Variants in SNX29 observed in about 807,000 individuals in gnomAD.
SNX29 encodes the protein sorting nexin 29.
In SNX29, 78 loss-of-function variants were observed where a neutral mutation model predicts 102.1. The ratio of observed to expected loss-of-function variants is 0.76; its 90% CI spans 0.64 to 0.92. The LOEUF is 0.92. SNX29 is among the 40% of genes least tolerant of loss of function. The pLI is 0.00. For synonymous variants in SNX29, 580 were observed against 414.5 expected, an observed-to-expected ratio of 1.40 and a Z score of -4.85; for missense variants, 1,280 against 1,061.7, an observed-to-expected ratio of 1.21 and a Z score of -2.86.
At chr16:12,560,503 C>G (rs917748526) in intron 20 of SNX29, among the ~76,000 whole-genome samples, 1 of 152,142 alleles carries the variant, frequency 6.6e-6, no homozygotes, top group African/African-American at 2.4e-5. Flanking sequence ...CTGGGCACGC[C>G]TGTCCTGCCC....
chr16:12,116,138 C>T (rs1040091441), intron 11 of SNX29, among the ~76,000 whole-genome samples: 1 of 152,180 alleles, frequency 6.6e-6, no homozygotes, highest in African/African-American at 2.4e-5. Flanking sequence ...TTGTGGGAAA[C>T]AGTTTGGTGG....
At chr16:12,090,409 G>A (rs2052464414) in intron 11 of SNX29, 1 of 152,282 alleles carries the variant, frequency 6.6e-6, no homozygotes, top group East Asian at 1.9e-4. Flanking sequence ...GGGGGTAAAT[G>A]TTCCGTGCCG....
intron 18 of SNX29, among the ~76,000 whole-genome samples, chr16:12,412,312 A>C (rs2084432666): frequency 6.6e-6 from 1 of 152,210 alleles, no homozygotes; most frequent in Non-Finnish European, 1.5e-5. Context: ...GATCTGCCTC[A>C]TGCCTCTGTC....
chr16:12,562,916 C>T (rs796668751), intron 20 of SNX29, among the ~76,000 whole-genome samples: 1 of 152,120 alleles, frequency 6.6e-6, no homozygotes, highest in Admixed American at 6.5e-5. Context: ...TGAGATTCGT[C>T]CATGTTGCCA....
intron 13 of SNX29, among the ~76,000 whole-genome samples, chr16:12,148,769 C>G (rs1230546140): frequency 6.6e-6 from 1 of 152,130 alleles, no homozygotes; most frequent in Non-Finnish European, 1.5e-5. Context: ...ACGATCTTGG[C>G]TCACCGCAAC....
chr16:12,280,645 T>G (rs1039843556), intron 15 of SNX29, among the ~76,000 whole-genome samples: 9 of 152,224 alleles, frequency 5.9e-5, no homozygotes, highest in African/African-American at 2.2e-4. Context: ...GATTGATTTT[T>G]CCTTCTTTTT....
In SNX29 at chr16:12,569,958, G is replaced by A. The variant is rs555400121; in HGVS notation, c.*1329G>A. On this transcript the variant is annotated 3_prime_UTR_variant, in exon 21 of 21. Transcript: ENST00000566228. ...AGCAGGTGGAAGGTGACGGTTAGAT[G>A]GTAAGCCATGGGCTTGTCCTGGAAC... is the stretch of plus-strand genomic sequence containing the variant. The A allele has an allele frequency of 1.0e-4, 24 of 235,680 alleles. No individual in the cohort carries two copies. The highest frequency in any genetic ancestry group is 1.8e-4 in the Non-Finnish European group (22 of 120,502). 14.6% of individuals were successfully genotyped at this position (235,680 alleles called of 1,614,324 possible). A position where few individuals can be genotyped will look rare whatever the true frequency, so the allele number is the denominator to read the frequency against.
chr16:12,413,642 G>C (rs1464294901), intron 18 of SNX29, among the ~76,000 whole-genome samples: 4 of 152,172 alleles, frequency 2.6e-5, no homozygotes, highest in African/African-American at 4.8e-5. Flanking sequence ...GTACGCTGCT[G>C]TGCAGGGGAG....
At chr16:12,485,212 G>C (rs368247776) in intron 19 of SNX29, among the ~76,000 whole-genome samples, 1 of 152,212 alleles carries the variant, frequency 6.6e-6, no homozygotes, top group African/African-American at 2.4e-5. Context: ...GACCGGAAAG[G>C]TGGCTTTCTA....
chr16:12,355,214 G>A (rs1430650737), intron 15 of SNX29, among the ~76,000 whole-genome samples: 1 of 152,162 alleles, frequency 6.6e-6, no homozygotes, highest in Non-Finnish European at 1.5e-5. Context: ...TCTTCTGTGA[G>A]TTACCCTTCA....
At position 12,113,849 on chromosome 16, in the gene SNX29, C is replaced by T. The variant is rs187230710; in HGVS notation, c.1403-12784C>T. ...ACAGCTAATGTGCCACATTCACTTG[C>T]AGGAGCCAGAAACTGGTAGGGCTCA... On this transcript the variant is annotated intron_variant, in intron 11 of 20. Transcript: ENST00000566228. 3.9e-5 allele frequency among the ~76,000 whole-genome samples: 6 copies of T among 152,326 alleles called. No individual in the cohort carries two copies. The South Asian group carries it at 6.2e-4, about 16-fold the overall frequency.
At chr16:12,188,445 G>T (rs957425542) in intron 13 of SNX29, among the ~76,000 whole-genome samples, 1 of 152,214 alleles carries the variant, frequency 6.6e-6, no homozygotes, top group Non-Finnish European at 1.5e-5. Flanking sequence ...TGCCAGAGGA[G>T]TAGCTTATGT....
In SNX29 at chr16:12,421,978, C is replaced by G. The variant is rs1016323729; in HGVS notation, c.2037+18449C>G. Among the ~76,000 whole-genome samples, 36 of 152,088 alleles carry G rather than the reference C, an allele frequency of 2.4e-4. 1 individual carries two copies. Among genetic ancestry groups the G allele is most frequent in the Admixed American group, 5.9e-4 (9 of 15,272 alleles). ...ATCAACCACCCATCACAGGCATCAT[C>G]TATCCATCACCATCATCAGCCATCC... On this transcript the variant is annotated intron_variant, in intron 18 of 20. Coordinates refer to ENST00000566228, the MANE Select transcript of SNX29 (RefSeq NM_032167.5).
At chr16:12,044,219 G>A (rs2049999297) in intron 5 of SNX29, among the ~76,000 whole-genome samples, 1 of 152,206 alleles carries the variant, frequency 6.6e-6, no homozygotes, top group Admixed American at 6.5e-5. Flanking sequence ...CCGTAAGTGG[G>A]CAGTTTGTGA....
chr16:12,238,659 C>T (rs922211951), intron 14 of SNX29, among the ~76,000 whole-genome samples: 4 of 152,280 alleles, frequency 2.6e-5, no homozygotes, highest in Middle Eastern at 3.4e-3. Flanking sequence ...CAGTGGGGAC[C>T]GCAAACCGCT....
chr16:12,060,806 G>C (rs188391504), intron 8 of SNX29: 23 of 456,168 alleles, frequency 5.0e-5, no homozygotes, highest in Non-Finnish European at 8.8e-6. Context: ...CTGGCGTTTC[G>C]AAGATGGCAC....
intron 15 of SNX29, among the ~76,000 whole-genome samples, chr16:12,341,174 A>C (rs984509933): frequency 2.6e-4 from 40 of 152,360 alleles, no homozygotes; most frequent in Admixed American, 2.5e-3. Flanking sequence ...AGACAAACTC[A>C]TTAGAAAGTA....
At position 12,040,546 on chromosome 16, in the gene SNX29, CTGAG is replaced by C. The variant is rs373985611; in HGVS notation, c.248-2349_248-2346del. 5.2e-3 allele frequency among the ~76,000 whole-genome samples: 787 copies of C among 152,286 alleles called. 13 individuals are homozygous for C. The highest frequency in any genetic ancestry group is 0.017 in the African/African-American group (726 of 41,552). On this transcript the variant is annotated intron_variant, in intron 4 of 20. Coordinates refer to ENST00000566228, the MANE Select transcript of SNX29 (RefSeq NM_032167.5). Reference sequence around the variant, plus strand: ...CCTTAAATCTGTTCCTATCCTCAGACTGAGTAATTCGACATGTGGAAATCTTTCG... The same window carrying C: ...CCTTAAATCTGTTCCTATCCTCAGACTAATTCGACATGTGGAAATCTTTCG...
intron 13 of SNX29, among the ~76,000 whole-genome samples, chr16:12,194,344 A>C (rs2076717669): frequency 6.6e-6 from 1 of 152,142 alleles, no homozygotes; most frequent in South Asian, 2.1e-4. Flanking sequence ...GTGTTCTGTG[A>C]CCTTGAAAAA....
Sources: allele counts gnomAD v4.1 joint callset (sites outside exome capture counted in the v4.1 genomes callset), GRCh38; gene constraint gnomAD v4.1.1; transcripts MANE v1.5; gene names NCBI Gene and HGNC (gene_info 2026-07-23, HGNC 2026-07-21).